SPTLC3: variants seen among roughly 807,000 people sequenced by gnomAD.
The protein encoded by SPTLC3 is serine palmitoyltransferase long chain base subunit 3, also known as serine palmitoyltransferase 3.
In SPTLC3, 36 loss-of-function variants were observed where a neutral mutation model predicts 59.3. The ratio of observed to expected loss-of-function variants is 0.61; its 90% confidence interval spans 0.47 to 0.80. The LOEUF is 0.80. Ranked by LOEUF, SPTLC3 falls within the 30% of genes least tolerant of loss-of-function variation. SPTLC3 has a pLI of 0.00. For synonymous variants in SPTLC3, 257 were observed against 240.8 expected (o/e 1.07, Z -0.62); for missense variants, 625 against 685.1 (o/e 0.91, Z 0.98).
At chr20:13,036,187 TAC>T (rs1046781552) in intron 1 of SPTLC3, among the ~76,000 whole-genome samples, 2 of 152,218 alleles carry the variant, frequency 1.3e-5, no homozygotes, top group African/African-American at 4.8e-5. Context: ...GCATAATCTA[TAC>T]AGTTGACCCT....
chr20:13,102,346 C>T (rs1989632060), intron 6 of SPTLC3, among the ~76,000 whole-genome samples: 1 of 152,152 alleles, frequency 6.6e-6, no homozygotes, highest in South Asian at 2.1e-4. Context: ...CTCATTTTAG[C>T]CTCATAACTA....
intron 1 of SPTLC3, among the ~76,000 whole-genome samples, chr20:13,042,256 T>G (rs1046556268): frequency 6.6e-6 from 1 of 152,180 alleles, no homozygotes; most frequent in African/African-American, 2.4e-5. Context: ...AGAGCACCCT[T>G]TAATCTTGAA....
At chr20:13,111,609 T>C (rs1028847598) in intron 7 of SPTLC3, among the ~76,000 whole-genome samples, 1 of 152,156 alleles carries the variant, frequency 6.6e-6, no homozygotes, top group African/African-American at 2.4e-5. Context: ...TGGGCTGTCA[T>C]AACCTCAAGC....
intron 4 of SPTLC3, among the ~76,000 whole-genome samples, chr20:13,085,718 G>T (rs1988982627): frequency 1.3e-5 from 2 of 152,330 alleles, no homozygotes; most frequent in Admixed American, 6.5e-5. Context: ...GTATGAGCCA[G>T]TCAGTATCAA....
chr20:13,154,421 A>G (rs370177311), intron 10 of SPTLC3, among the ~76,000 whole-genome samples: 16 of 152,274 alleles, frequency 1.1e-4, no homozygotes, highest in African/African-American at 3.4e-4. Context: ...TAAATTAAGC[A>G]CAATCCTGAG....
intron 6 of SPTLC3, among the ~76,000 whole-genome samples, chr20:13,105,493 T>C (rs1048476368): frequency 6.6e-6 from 1 of 152,198 alleles, no homozygotes; most frequent in African/African-American, 2.4e-5. Context: ...TCTTGCGTGT[T>C]ATTTTTAAAA....
chr20:13,118,249 A>C (rs961496336), intron 8 of SPTLC3, among the ~76,000 whole-genome samples: 2 of 152,104 alleles, frequency 1.3e-5, no homozygotes, highest in African/African-American at 4.8e-5. Flanking sequence ...TTTTAATCAA[A>C]ACGGTGGCAG....
intron 9 of SPTLC3, among the ~76,000 whole-genome samples, chr20:13,143,254 G>A (rs2038427700): frequency 6.6e-6 from 1 of 152,138 alleles, no homozygotes; most frequent in Admixed American, 6.5e-5. Flanking sequence ...CAGTTTTAGA[G>A]AGCAAATCCA....
At chr20:13,034,941 C>A (rs528063380) in intron 1 of SPTLC3, among the ~76,000 whole-genome samples, 2 of 152,164 alleles carry the variant, frequency 1.3e-5, no homozygotes, top group South Asian at 4.2e-4. Flanking sequence ...GGGTATCTAT[C>A]CTGATGTTCT....
intron 2 of SPTLC3, chr20:13,050,388 A>G (rs974481073): frequency 1.3e-5 from 2 of 152,166 alleles, no homozygotes; most frequent in African/African-American, 4.8e-5. Flanking sequence ...AAGACAAAGA[A>G]AAAATAATAA....
rs1035109470 is a variant in SPTLC3, at chr20:13,009,097, G to A, written c.-171G>A. On this transcript the variant is annotated 5_prime_UTR_variant, in exon 1 of 12. Transcript: ENST00000399002. ...GGTAACCATTTGTTTTAGTTTCAAC[G>A]ATCTGACAAAAAGATAGGCTGTTGC... is the stretch of plus-strand genomic sequence containing the variant. The A allele has an allele frequency of 3.2e-6, 2 of 627,426 alleles. No individual in the cohort carries two copies. The highest frequency in any genetic ancestry group is 2.6e-5 in the Admixed American group (1 of 38,962). 38.9% of individuals were successfully genotyped at this position (627,426 alleles called of 1,614,324 possible).
chr20:13,063,293 AAC>A (rs1292649110), intron 2 of SPTLC3, among the ~76,000 whole-genome samples: 2 of 152,170 alleles, frequency 1.3e-5, no homozygotes, highest in Non-Finnish European at 2.9e-5. Flanking sequence ...GATTTAGAGG[AAC>A]TCTATGTGCT....
chr20:13,032,922 A>C (rs1003862140), intron 1 of SPTLC3, among the ~76,000 whole-genome samples: 2 of 152,162 alleles, frequency 1.3e-5, no homozygotes, highest in Admixed American at 6.5e-5. Flanking sequence ...TGGAGTAGCT[A>C]ATATAGGAAA....
intron 3 of SPTLC3, chr20:13,074,049 A>G: frequency 1.6e-6 from 1 of 641,082 alleles, no homozygotes. Flanking sequence ...TGGCAGGTCC[A>G]AGTTGGAGGC....
At chr20:13,090,505 TA>T (rs1989174506) in intron 4 of SPTLC3, among the ~76,000 whole-genome samples, 1 of 152,158 alleles carries the variant, frequency 6.6e-6, no homozygotes, top group Non-Finnish European at 1.5e-5. Context: ...AGATGTAGAG[TA>T]AAAAGAGAGA....
intron 11 of SPTLC3, among the ~76,000 whole-genome samples, chr20:13,160,846 G>A (rs1028532008): frequency 2.0e-5 from 3 of 152,194 alleles, no homozygotes; most frequent in African/African-American, 7.2e-5. Flanking sequence ...AAAACTGTGG[G>A]ATCATGAAGG....
rs541904972 is a variant in SPTLC3 at position 13,092,674 on chromosome 20, T to C, written c.733-810T>C. ...CCGCCAGAAAAATTACAAATATGCA[T>C]ATATCTAGAGTACAAATATATGGGA... On this transcript the variant is annotated intron_variant, in intron 5 of 11. Coordinates refer to ENST00000399002, the MANE Select transcript of SPTLC3 (RefSeq NM_018327.4). 3.9e-5 allele frequency among the ~76,000 whole-genome samples: 6 copies of C among 152,246 alleles called. No homozygotes were observed. The East Asian group carries it at 1.2e-3, about 29-fold the overall frequency.
intron 3 of SPTLC3, among the ~76,000 whole-genome samples, chr20:13,073,030 A>T (rs967698998): frequency 2.0e-5 from 3 of 152,248 alleles, no homozygotes; most frequent in Non-Finnish European, 4.4e-5. Flanking sequence ...GGCATCCATC[A>T]TCTTAAATAT....
At chr20:13,010,428 C>T (rs1192416775) in intron 1 of SPTLC3, among the ~76,000 whole-genome samples, 6 of 152,162 alleles carry the variant, frequency 3.9e-5, no homozygotes, top group South Asian at 4.1e-4. Context: ...GAATTACATT[C>T]GTGTGTGCAA....
Sources: gnomAD v4.1 joint callset for allele counts (sites outside exome capture counted in the v4.1 genomes callset) on GRCh38, gnomAD v4.1.1 for gene constraint, MANE v1.5 for transcripts, NCBI Gene and HGNC (gene_info 2026-07-23, HGNC 2026-07-21) for gene names.